The following GADL1 variants were observed in gnomAD, a reference collection of about 807,000 sequenced individuals.
The protein encoded by GADL1 is GAD like acidic amino acid decarboxylase 1.
A neutral mutation model predicts 69.5 loss-of-function variants in GADL1; 71 were observed. That is an observed-to-expected ratio of 1.02 (90% CI 0.84 to 1.25). The LOEUF is 1.25. Among genes scored for constraint, GADL1 ranks in the 50% most tolerant of loss-of-function variants. The pLI is 0.00. For missense variants in GADL1, 737 were observed against 631.8 expected (o/e 1.17, Z -1.79); for synonymous variants, 254 against 214.4 (o/e 1.18, Z -1.62).
chr3:30,763,520 T>TGGGGGG (rs71093936), intron 14 of GADL1, among the ~76,000 whole-genome samples: 7 of 83,980 alleles, frequency 8.3e-5, no homozygotes, highest in South Asian at 5.3e-4. Context: ...GGGGTGGGGG[T>TGGGGGG]GGGGGGGAAT....
At chr3:30,870,054 T>C (rs1307304902) in intron 1 of GADL1, among the ~76,000 whole-genome samples, 2 of 151,858 alleles carry the variant, frequency 1.3e-5, no homozygotes, top group Non-Finnish European at 2.9e-5. Flanking sequence ...CAAATACTTA[T>C]ATTTAGTGCC....
intron 2 of GADL1, among the ~76,000 whole-genome samples, chr3:30,857,863 C>T (rs540321838): frequency 4.6e-5 from 7 of 152,052 alleles, no homozygotes; most frequent in Admixed American, 1.3e-4. Context: ...CTTAACTACA[C>T]GAGGGAGGTT....
intron 13 of GADL1, among the ~76,000 whole-genome samples, chr3:30,784,768 T>C (rs1387405325): frequency 1.3e-5 from 2 of 152,148 alleles, no homozygotes; most frequent in African/African-American, 4.8e-5. Flanking sequence ...CAGACTCCTG[T>C]CTTCTTAAAA....
intron 12 of GADL1, among the ~76,000 whole-genome samples, chr3:30,786,771 GGAAA>G (rs993903939): frequency 6.6e-5 from 10 of 152,150 alleles, no homozygotes; most frequent in African/African-American, 2.4e-4. Flanking sequence ...CTGGCTTGGA[GGAAA>G]GAGTTTTTTG....
chr3:30,776,224 T>C (rs1696533343), intron 14 of GADL1, among the ~76,000 whole-genome samples: 1 of 152,220 alleles, frequency 6.6e-6, no homozygotes, highest in South Asian at 2.1e-4. Flanking sequence ...TAGACACAAA[T>C]ATCACATTCT....
At chr3:30,837,345 G>A (rs1244811240) in intron 9 of GADL1, among the ~76,000 whole-genome samples, 1 of 152,034 alleles carries the variant, frequency 6.6e-6, no homozygotes, top group African/African-American at 2.4e-5. Flanking sequence ...ACTAAAGGAT[G>A]GGTAAACATG....
chr3:30,751,507 G>A (rs1446779425), intron 14 of GADL1, among the ~76,000 whole-genome samples: 1 of 150,712 alleles, frequency 6.6e-6, no homozygotes, highest in Non-Finnish European at 1.5e-5. Context: ...TGGGCAACTA[G>A]ATCTTGTAAT....
At chr3:30,783,953 G>A (rs991949792) in intron 13 of GADL1, among the ~76,000 whole-genome samples, 1 of 152,086 alleles carries the variant, frequency 6.6e-6, no homozygotes, top group East Asian at 1.9e-4. Flanking sequence ...AGACTGTACA[G>A]TTTCAAGGTG....
intron 14 of GADL1, among the ~76,000 whole-genome samples, chr3:30,753,389 A>G (rs1183367503): frequency 1.3e-5 from 2 of 152,140 alleles, no homozygotes; most frequent in South Asian, 2.1e-4. Flanking sequence ...GTTTGTGCAT[A>G]ATTTGCATTT....
chr3:30,865,522 T>G (rs1698388974), intron 1 of GADL1, among the ~76,000 whole-genome samples: 1 of 151,976 alleles, frequency 6.6e-6, no homozygotes, highest in South Asian at 2.1e-4. Context: ...CCGTCGCAGG[T>G]TGTCTGTATG....
At chr3:30,788,028 A>G (rs1373858669) in intron 12 of GADL1, among the ~76,000 whole-genome samples, 1 of 152,180 alleles carries the variant, frequency 6.6e-6, no homozygotes, top group Non-Finnish European at 1.5e-5. Flanking sequence ...TTGAGCGATA[A>G]CGTGAGCATA....
At chr3:30,847,938 T>G (rs1050541796) in intron 6 of GADL1, among the ~76,000 whole-genome samples, 3 of 152,148 alleles carry the variant, frequency 2.0e-5, no homozygotes, top group Non-Finnish European at 4.4e-5. Flanking sequence ...CCATGGTAAT[T>G]ATTCCAGAAA....
intron 11 of GADL1, among the ~76,000 whole-genome samples, chr3:30,817,137 G>A (rs183267750): frequency 3.1e-4 from 47 of 152,192 alleles, no homozygotes; most frequent in African/African-American, 1.1e-3. Context: ...ATAGTCTCGT[G>A]TAGCCTGGCA....
chr3:30,788,160 TA>T (rs1696837683), intron 12 of GADL1, among the ~76,000 whole-genome samples: 1 of 152,188 alleles, frequency 6.6e-6, no homozygotes, highest in South Asian at 2.1e-4. Flanking sequence ...CTAGCTTTCA[TA>T]AAAAGCAATT....
At chr3:30,863,810 C>T (rs1351902759) in intron 1 of GADL1, among the ~76,000 whole-genome samples, 1 of 133,320 alleles carries the variant, frequency 7.5e-6, no homozygotes, top group Non-Finnish European at 1.7e-5. Context: ...TCCACCTTCT[C>T]CTCAAAGTTA....
At chr3:30,776,156 AAAAC>A (rs1219362547) in intron 14 of GADL1, among the ~76,000 whole-genome samples, 2 of 152,222 alleles carry the variant, frequency 1.3e-5, no homozygotes, top group Admixed American at 6.5e-5. Context: ...AATTTCTCTA[AAAAC>A]AAACATGAGT....
chr3:30,733,409 T>G (rs922037125), intron 14 of GADL1, among the ~76,000 whole-genome samples: 1 of 152,198 alleles, frequency 6.6e-6, no homozygotes, highest in Admixed American at 6.5e-5. Context: ...GTTCCCAATG[T>G]GTCCCACTTT....
At chr3:30,755,274 CCAT>C (rs763510652) in intron 14 of GADL1, among the ~76,000 whole-genome samples, 12 of 132,336 alleles carry the variant, frequency 9.1e-5, no homozygotes, top group Non-Finnish European at 1.5e-4. Flanking sequence ...CATGGTGAAA[CCAT>C]CAGCTTGATT....
At chr3:30,864,768 C>A (rs1698371863) in intron 1 of GADL1, among the ~76,000 whole-genome samples, 1 of 151,924 alleles carries the variant, frequency 6.6e-6, no homozygotes, top group Admixed American at 6.6e-5. Context: ...TTTGAGGAAT[C>A]TTCCATGAAG....
Sources: allele counts gnomAD v4.1 joint callset (sites outside exome capture counted in the v4.1 genomes callset), GRCh38; gene constraint gnomAD v4.1.1; transcripts MANE v1.5; gene names NCBI Gene and HGNC (gene_info 2026-07-23, HGNC 2026-07-21).